Variants in PAIP2B observed in about 807,000 individuals in gnomAD.
The protein encoded by PAIP2B is polyadenylate-binding protein-interacting protein 2B.
Under a neutral mutation model 17.0 loss-of-function variants are expected in PAIP2B, and 13 were observed. That is an observed-to-expected ratio of 0.76 (90% CI 0.50 to 1.22). The LOEUF (loss-of-function observed/expected upper bound fraction) is 1.22. Ranked by LOEUF, PAIP2B falls within the 50% of genes most tolerant of loss-of-function variation. The probability of loss-of-function intolerance (pLI) is 0.00; values close to 1 mark genes in which losing one functional copy is unlikely to be tolerated. For missense variants in PAIP2B, 117 were observed against 144.5 expected (o/e 0.81, Z 0.98); for synonymous variants, 43 against 48.7 (o/e 0.88, Z 0.48).
At chr2:71,191,252 G>A (rs1674680977) in intron 2 of PAIP2B, among the ~76,000 whole-genome samples, 1 of 152,190 alleles carries the variant, frequency 6.6e-6, no homozygotes. Context: ...AAAGTTACTG[G>A]TAGTGAGACT....
In PAIP2B at chr2:71,187,176, G is replaced by T. The variant is rs1208562763; in HGVS notation, c.*1303C>A. 1 of 152,176 alleles carries T rather than the reference G, an allele frequency of 6.6e-6. No homozygotes were observed. The highest frequency in any genetic ancestry group is 1.5e-5 in the Non-Finnish European group (1 of 68,070). 9.4% of individuals were successfully genotyped at this position (152,176 alleles called of 1,614,324 possible). On this transcript the variant is annotated 3_prime_UTR_variant, in exon 4 of 4. Coordinates refer to ENST00000244221, the MANE Select transcript of PAIP2B (RefSeq NM_020459.1). ...TGCCATCTACATCTCTATACACGAA[G>T]GTAGCTCCTGGCACCCAGTTTAGTT...
chr2:71,190,508 G>A (rs929994938), intron 2 of PAIP2B, among the ~76,000 whole-genome samples: 31 of 152,272 alleles, frequency 2.0e-4, no homozygotes, highest in Admixed American at 1.5e-3. Flanking sequence ...TGCGCCTAAT[G>A]ACTAGCTAGA....
chr2:71,226,607 G>C (rs746919267), intron 1 of PAIP2B, among the ~76,000 whole-genome samples: 3 of 152,088 alleles, frequency 2.0e-5, no homozygotes, highest in Non-Finnish European at 4.4e-5. Context: ...AATTCGGTTC[G>C]AGTGTTAGGA....
At chr2:71,215,549 G>C (rs1386353348) in intron 1 of PAIP2B, among the ~76,000 whole-genome samples, 1 of 152,202 alleles carries the variant, frequency 6.6e-6, no homozygotes, top group Non-Finnish European at 1.5e-5. Context: ...TTCCAAGTAA[G>C]GAATCTGCCT....
At chr2:71,202,397 T>C (rs2103784315) in intron 2 of PAIP2B, 55 bp downstream of exon 2, 5 of 1,585,148 alleles carry the variant, frequency 3.2e-6, no homozygotes, top group East Asian at 2.2e-5. Flanking sequence ...TAAAATATTA[T>C]AGCTGTTGAG....
rs539247828 is a variant in PAIP2B, at chr2:71,192,788, G to A, written c.139-2767C>T. 3.9e-5 allele frequency among the ~76,000 whole-genome samples: 6 copies of A among 152,236 alleles called. No homozygotes were observed. The South Asian group carries it at 6.2e-4, about 16-fold the overall frequency. On this transcript the variant is annotated intron_variant, in intron 2 of 3. Transcript: ENST00000244221. ...TAATCTCATTATTTTTTATGGCTGC[G>A]TAATATTCCATGGTGTATATGTACC...
rs1193106841 is a variant in PAIP2B at position 71,186,736 on chromosome 2, T to C, written c.*1743A>G. ...AGTTAACAGTTTCATTCTCTCAACA[T>C]AGAGGCTTTGGGAATTAATGTGTCT... On this transcript the variant is annotated 3_prime_UTR_variant, in exon 4 of 4. Transcript: ENST00000244221. The C allele has an allele frequency of 6.6e-6, 1 of 152,252 alleles. No homozygotes were observed. 9.4% of individuals were successfully genotyped at this position (152,252 alleles called of 1,614,324 possible).
At chr2:71,213,610 A>G (rs1393063803) in intron 1 of PAIP2B, among the ~76,000 whole-genome samples, 1 of 152,174 alleles carries the variant, frequency 6.6e-6, no homozygotes, top group South Asian at 2.1e-4. Flanking sequence ...AAGACTTCCA[A>G]TTTTCAGTAA....
intron 1 of PAIP2B, among the ~76,000 whole-genome samples, chr2:71,204,988 T>C (rs1395484045): frequency 3.9e-5 from 6 of 151,984 alleles, no homozygotes; most frequent in Non-Finnish European, 7.4e-5. Flanking sequence ...AAAATCTTCC[T>C]GTGCCCAAAA....
chr2:71,183,039 C>T lies in PAIP2B; in HGVS notation c.*5440G>A, dbSNP rs1265820155. ...ACCATCACCACTTCACCATCCACAA[C>T]ATCCTCAAGAGCTGAGCAGCCCTGC... On this transcript the variant is annotated 3_prime_UTR_variant, in exon 4 of 4. Coordinates refer to ENST00000244221, the MANE Select transcript of PAIP2B (RefSeq NM_020459.1). The T allele has an allele frequency of 1.1e-5, 1 of 87,746 alleles. No homozygotes were observed. The highest frequency in any genetic ancestry group is 4.7e-5 in the African/African-American group (1 of 21,372). The allele number at this position is 87,746 out of a possible 1,614,324, so 5.4% of individuals were successfully genotyped here.
chr2:71,215,636 G>A (rs144279083), intron 1 of PAIP2B, among the ~76,000 whole-genome samples: 7 of 152,296 alleles, frequency 4.6e-5, no homozygotes, highest in Non-Finnish European at 7.4e-5. Context: ...ACTATTAGCC[G>A]TGGAACGATA....
In PAIP2B at chr2:71,203,588, T is replaced by G. The variant is rs57519029; in HGVS notation, c.-11-988A>C. On this transcript the variant is annotated intron_variant, in intron 1 of 3. Coordinates refer to ENST00000244221, the MANE Select transcript of PAIP2B (RefSeq NM_020459.1). ...CCTTAATTTTTACTGAGGCTGATTA[T>G]CTTAAGATATGTTTACTGGCCATTT... Among the ~76,000 whole-genome samples the G allele has an allele frequency of 0.056, 8,463 of 152,090 alleles. 975 individuals are homozygous for G. In the East Asian group the frequency reaches 0.56, roughly 10 times the overall value.
In PAIP2B at chr2:71,183,944, A is replaced by C. The variant is rs1027141432; in HGVS notation, c.*4535T>G. The C allele has an allele frequency of 6.6e-6, 1 of 152,250 alleles. No individual in the cohort carries two copies. The highest frequency in any genetic ancestry group is 1.5e-5 in the Non-Finnish European group (1 of 68,040). 9.4% of individuals were successfully genotyped at this position (152,250 alleles called of 1,614,324 possible). On this transcript the variant is annotated 3_prime_UTR_variant, in exon 4 of 4. Coordinates refer to ENST00000244221, the MANE Select transcript of PAIP2B (RefSeq NM_020459.1). ...CATATGCCTCATTAAAGTTGTTTTA[A>C]GAAAAGGATTCCCTGCCTCCCAAAC... is the stretch of plus-strand genomic sequence containing the variant.
intron 2 of PAIP2B, among the ~76,000 whole-genome samples, chr2:71,191,065 G>A (rs951287939): frequency 6.6e-6 from 1 of 152,098 alleles, no homozygotes; most frequent in Admixed American, 6.5e-5. Context: ...ATAGAGTGTG[G>A]TTCACTCTGC....
Position 71,187,512 on chromosome 2 carries a change from G to A in PAIP2B, c.*967C>T, listed in dbSNP as rs1674569173. On this transcript the variant is annotated 3_prime_UTR_variant, in exon 4 of 4. Transcript: ENST00000244221. ...TAAAAAAGTGCATAAACTTGTCTGAGGGAATTAAGACACCAGGAAGACCAA... is the reference window on the plus strand; with the variant it reads ...TAAAAAAGTGCATAAACTTGTCTGAAGGAATTAAGACACCAGGAAGACCAA... 1.3e-5 allele frequency: 2 copies of A among 152,132 alleles called. No individual in the cohort carries two copies. Among genetic ancestry groups the A allele is most frequent in the African/African-American group, 4.8e-5 (2 of 41,398 alleles). 9.4% of individuals were successfully genotyped at this position (152,132 alleles called of 1,614,324 possible).
chr2:71,200,347 G>A (rs934261989), intron 2 of PAIP2B, among the ~76,000 whole-genome samples: 1 of 152,190 alleles, frequency 6.6e-6, no homozygotes, highest in African/African-American at 2.4e-5. Flanking sequence ...AGAAAGAACT[G>A]ACATCAATCA....
At chr2:71,205,976 A>C (rs1675115236) in intron 1 of PAIP2B, among the ~76,000 whole-genome samples, 1 of 152,216 alleles carries the variant, frequency 6.6e-6, no homozygotes, top group Non-Finnish European at 1.5e-5. Flanking sequence ...TAGCAGCCCC[A>C]GATGACAGAT....
intron 2 of PAIP2B, among the ~76,000 whole-genome samples, chr2:71,196,230 A>C (rs529698341): frequency 1.3e-3 from 193 of 152,058 alleles, no homozygotes; most frequent in African/African-American, 4.7e-3. Flanking sequence ...TGTTCTCCTT[A>C]TTTTCAAATA....
rs1675006545 is a variant in PAIP2B, at chr2:71,202,443, T to C, written c.138+9A>G. The C allele has an allele frequency of 2.5e-6, 4 of 1,610,166 alleles. No homozygotes were observed. The African/African-American group carries it at 5.4e-5, about 22-fold the overall frequency. ...CATCAATCTTCCACTTTTCCAGTTC[T>C]TTCTTTACCTGTCTGTTGAAATCCT... On this transcript the variant is annotated intron_variant, in intron 2 of 3. Transcript: ENST00000244221.
Sources: allele counts gnomAD v4.1 joint callset (sites outside exome capture counted in the v4.1 genomes callset), GRCh38; gene constraint gnomAD v4.1.1; transcripts MANE v1.5; gene names NCBI Gene and HGNC (gene_info 2026-07-23, HGNC 2026-07-21).